Variants in LMNB1 observed in about 807,000 individuals in gnomAD.
LMNB1 encodes lamin-B1.
LMNB1 carries 23 observed loss-of-function variants against 67.1 expected under a neutral mutation model. The observed-to-expected ratio is 0.34, with a 90% CI of 0.25 to 0.49. The LOEUF is 0.49. Ranked by LOEUF, LMNB1 falls within the 20% of genes least tolerant of loss-of-function variation. The pLI, the probability that LMNB1 is intolerant of heterozygous loss-of-function variation, is 0.99. For missense variants in LMNB1, 634 were observed against 746.5 expected (o/e 0.85, Z 1.76); for synonymous variants, 281 against 282.9 (o/e 0.99, Z 0.07).
At chr5:126,808,800 C>G (rs573984425) in intron 3 of LMNB1, among the ~76,000 whole-genome samples, 4 of 152,082 alleles carry the variant, frequency 2.6e-5, no homozygotes, top group Non-Finnish European at 5.9e-5. Context: ...AAAATACATG[C>G]GCTAATATAC....
chr5:126,777,793 C>G lies in LMNB1; in HGVS notation c.285C>G (p.Asp95Glu). The G allele has an allele frequency of 6.7e-7, 1 of 1,501,508 alleles. No homozygotes were observed. The allele number at this position is 1,501,508 out of a possible 1,614,324, so 93.0% of individuals were successfully genotyped here. A position where few individuals can be genotyped will look rare whatever the true frequency, so the allele number is the denominator to read the frequency against. ...ELADARRALD[D>E]TARERAKLQI... ...CCGACGCGCGACGCGCGCTCGACGA[C>G]ACGGCCCGCGAGCGCGCCAAGCTGC... Residue 95 changes from aspartate to glutamate, a missense_variant, in exon 1 of 11, where the codon GAC becomes GAG. Asp to Glu is a conservative substitution (Grantham distance 45). Transcript: ENST00000261366.
At chr5:126,806,039 C>T (rs1334866601) in intron 3 of LMNB1, among the ~76,000 whole-genome samples, 1 of 152,254 alleles carries the variant, frequency 6.6e-6, no homozygotes, top group African/African-American at 2.4e-5. Context: ...CTTTCAACCT[C>T]TGCCTCCTGG....
chr5:126,800,644 C>CTTTTTTTT (rs35363581), intron 1 of LMNB1, among the ~76,000 whole-genome samples: 4 of 53,946 alleles, frequency 7.4e-5, no homozygotes, highest in African/African-American at 1.5e-4. Context: ...ACTGTATCTT[C>CTTTTTTTT]TTTTTTTTTT....
intron 8 of LMNB1, among the ~76,000 whole-genome samples, chr5:126,824,841 C>G (rs1751956897): frequency 9.2e-6 from 1 of 108,286 alleles, no homozygotes; most frequent in South Asian, 3.6e-4. Flanking sequence ...CTGTTTCCAC[C>G]CCACCCCCCC....
chr5:126,829,416 G>A (rs985834875), intron 9 of LMNB1, among the ~76,000 whole-genome samples: 2 of 151,852 alleles, frequency 1.3e-5, no homozygotes, highest in Admixed American at 6.6e-5. Context: ...TTATGGTGGA[G>A]TTTATAGATT....
chr5:126,835,058 G>A (rs1041127668), intron 10 of LMNB1, among the ~76,000 whole-genome samples: 20 of 152,142 alleles, frequency 1.3e-4, no homozygotes, highest in African/African-American at 4.8e-4. Context: ...AAATATCACT[G>A]GCCAAGCTGA....
intron 1 of LMNB1, among the ~76,000 whole-genome samples, chr5:126,789,366 A>G (rs1314404220): frequency 2.6e-5 from 4 of 152,182 alleles, no homozygotes; most frequent in African/African-American, 7.2e-5. Flanking sequence ...CTAAGACCCT[A>G]CTAATAGTAG....
chr5:126,808,401 C>T (rs749642551), intron 3 of LMNB1, among the ~76,000 whole-genome samples: 1 of 151,320 alleles, frequency 6.6e-6, no homozygotes, highest in Non-Finnish European at 1.5e-5. Flanking sequence ...GTTGGCCAGG[C>T]TGGTCTAAAA....
At chr5:126,828,561 T>C (rs1419541222) in intron 9 of LMNB1, among the ~76,000 whole-genome samples, 3 of 150,492 alleles carry the variant, frequency 2.0e-5, no homozygotes, top group Non-Finnish European at 3.0e-5. Context: ...GATTGATTGA[T>C]TGGTTGGTTG....
chr5:126,828,811 C>T lies in LMNB1; in HGVS notation c.1611+2704C>T, dbSNP rs920275108. On this transcript the variant is annotated intron_variant, in intron 9 of 10. Transcript: ENST00000261366. ...CTCTTGACCTTGTGATCCGTCACCT[C>T]GGCCTCCCAAAGTGCTGGGATTACA... 6.6e-5 allele frequency among the ~76,000 whole-genome samples: 10 copies of T among 150,948 alleles called. No individual in the cohort carries two copies. In the East Asian group the frequency reaches 7.7e-4, roughly 12 times the overall value.
intron 1 of LMNB1, among the ~76,000 whole-genome samples, chr5:126,784,444 C>G (rs1218986895): frequency 1.3e-5 from 2 of 151,406 alleles, no homozygotes; most frequent in Non-Finnish European, 2.9e-5. Flanking sequence ...CAACCTCCGC[C>G]CCTCCAGGTT....
intron 1 of LMNB1, 33 bp downstream of exon 1, chr5:126,777,900 A>G: frequency 7.2e-7 from 1 of 1,383,922 alleles, no homozygotes; most frequent in Non-Finnish European, 9.3e-7. Flanking sequence ...GTTAGCGCCA[A>G]GGAGGGGCGG....
chr5:126,810,792 G>A (rs1345240313), intron 4 of LMNB1, among the ~76,000 whole-genome samples: 1 of 152,084 alleles, frequency 6.6e-6, no homozygotes, highest in African/African-American at 2.4e-5. Context: ...CGGCTTTTTT[G>A]CATAAGGGCC....
chr5:126,822,736 C>CT, intron 7 of LMNB1, 45 bp from the exon 8 acceptor site: 1 of 1,176,910 alleles, frequency 8.5e-7, no homozygotes. Flanking sequence ...CCACAACTTT[C>CT]TTTATCTTTG....
chr5:126,795,933 C>CTTTTT lies in LMNB1; in HGVS notation c.360-8831_360-8827dup, dbSNP rs70997314. On this transcript the variant is annotated intron_variant, in intron 1 of 10. Transcript: ENST00000261366. ...GAGCCACTGCGCCTGGCCCAGGATG[C>CTTTTT]TTTTTTTTTTTTTTTTGAGACGGAG... Among the ~76,000 whole-genome samples, 136 of 82,092 alleles carry CTTTTT rather than the reference C, an allele frequency of 1.7e-3. 12 individuals are homozygous for CTTTTT. The highest frequency in any genetic ancestry group is 5.9e-3 in the East Asian group (16 of 2,722). 53.9% of individuals were successfully genotyped at this position (82,092 alleles called of 152,430 possible).
rs1409195721 is a variant in LMNB1 at position 126,777,738 on chromosome 5, G to T, written c.230G>T (p.Gly77Val). 1.3e-6 allele frequency: 2 copies of T among 1,538,576 alleles called. No individual in the cohort carries two copies. The highest frequency in any genetic ancestry group is 1.8e-6 in the Non-Finnish European group (2 of 1,141,394). ...REEVRGRELT[G>V]LKALYETELA... ...GAGGTGCGCGGCCGTGAGCTCACCG[G>T]CCTCAAGGCGCTCTACGAGACCGAG... The change falls in exon 1 of 11, where the codon GGC becomes GTC. Residue 77 changes from glycine to valine, a missense_variant. By Grantham distance (109) the Gly-to-Val change is moderately radical (BLOSUM62 -3). Coordinates refer to ENST00000261366, the MANE Select transcript of LMNB1 (RefSeq NM_005573.4).
intron 2 of LMNB1, 72 bp downstream of exon 2, chr5:126,805,004 T>C (rs1751383742): frequency 8.3e-7 from 1 of 1,200,604 alleles, no homozygotes; most frequent in South Asian, 1.6e-5. Context: ...CATAGTTTGA[T>C]TGATTGATTG....
chr5:126,804,038 T>C (rs550707125), intron 1 of LMNB1, among the ~76,000 whole-genome samples: 1 of 152,246 alleles, frequency 6.6e-6, no homozygotes, highest in Admixed American at 6.5e-5. Flanking sequence ...AACATTACTT[T>C]TTAAAATAAC....
At chr5:126,810,874 A>G (rs1422693730) in intron 4 of LMNB1, among the ~76,000 whole-genome samples, 2 of 152,222 alleles carry the variant, frequency 1.3e-5, no homozygotes, top group African/African-American at 2.4e-5. Context: ...GAAACTTCCC[A>G]CTTATATTAG....
Sources: gnomAD v4.1 joint callset for allele counts (sites outside exome capture counted in the v4.1 genomes callset) on GRCh38, gnomAD v4.1.1 for gene constraint, MANE v1.5 for transcripts, NCBI Gene and HGNC (gene_info 2026-07-23, HGNC 2026-07-21) for gene names.